PMF1: variants seen among roughly 807,000 people sequenced by gnomAD.
The protein encoded by PMF1 is polyamine modulated factor 1.
PMF1 carries 21 observed loss-of-function variants against 26.7 expected under a neutral mutation model. The observed-to-expected ratio is 0.79, with a 90% confidence interval of 0.56 to 1.13. The LOEUF (loss-of-function observed/expected upper bound fraction) is 1.13, where lower values mean the gene tolerates loss of function less well. Among genes scored for constraint, PMF1 ranks in the 50% most tolerant of loss-of-function variants. The pLI is 0.00. For synonymous variants in PMF1, 105 were observed against 101.0 expected, an observed-to-expected ratio of 1.04 and a Z score of -0.24; for missense variants, 266 against 254.9, an observed-to-expected ratio of 1.04 and a Z score of -0.30.
At position 156,213,057 on chromosome 1, in the gene PMF1, G is replaced by A. The variant is rs143195115; in HGVS notation, c.42G>A (p.Glu14=). 209 of 1,614,172 alleles carry A rather than the reference G, an allele frequency of 1.3e-4. No individual in the cohort carries two copies. In the African/African-American group the frequency reaches 2.6e-3, roughly 20 times the overall value. The change falls in exon 1 of 5, where the codon GAG becomes GAA. Residue 14 remains glutamate (E), a synonymous_variant. Coordinates refer to ENST00000368277, the MANE Select transcript of PMF1 (RefSeq NM_007221.4). ...GCGCCAATCTAGGCAGCGGCTGTGA[G>A]GAAAAAAGGCATGAGGGGTCGTCTT... The part of the protein sequence containing the change: ...ASSANLGSGC[E]EKRHEGSSSE...
chr1:156,229,623 T>C (rs1039418483), intron 1 of PMF1, among the ~76,000 whole-genome samples: 1 of 151,304 alleles, frequency 6.6e-6, no homozygotes, highest in South Asian at 2.1e-4. Flanking sequence ...CAGGCTGGAG[T>C]GCAATGGCGT....
At chr1:156,214,516 T>G (rs528309293) in intron 1 of PMF1, among the ~76,000 whole-genome samples, 1 of 152,216 alleles carries the variant, frequency 6.6e-6, no homozygotes, top group Non-Finnish European at 1.5e-5. Flanking sequence ...AGGCCTCTTG[T>G]CTTTTTGGAG....
At chr1:156,237,842 C>T (rs138705633) in intron 4 of PMF1, among the ~76,000 whole-genome samples, 16 of 152,220 alleles carry the variant, frequency 1.1e-4, no homozygotes, top group East Asian at 3.9e-4. Flanking sequence ...CTGCAACCTC[C>T]GCTTCCTGGG....
At chr1:156,236,587 G>C in intron 4 of PMF1, 104 bp downstream of exon 4, 1 of 1,427,204 alleles carries the variant, frequency 7.0e-7, no homozygotes. Flanking sequence ...CCCCACAGGG[G>C]GTAGGAGAGC....
intron 3 of PMF1, among the ~76,000 whole-genome samples, chr1:156,234,609 A>G (rs749108246): frequency 4.0e-5 from 6 of 151,874 alleles, no homozygotes; most frequent in African/African-American, 1.5e-4. Context: ...CCTGAGTTCA[A>G]GCAATTCTCC....
intron 3 of PMF1, among the ~76,000 whole-genome samples, chr1:156,235,435 ATTTTTT>A (rs36002644): frequency 1.4e-5 from 1 of 69,084 alleles, no homozygotes; most frequent in African/African-American, 5.2e-5. Flanking sequence ...TTGAAAAATA[ATTTTTT>A]TTTTTTTTTT....
At chr1:156,236,601 C>T (rs1031086642) in intron 4 of PMF1, 118 bp downstream of exon 4, 70 of 1,336,408 alleles carry the variant, frequency 5.2e-5, no homozygotes, top group Non-Finnish European at 6.4e-5. Context: ...GGAGAGCTTG[C>T]CCCCTGGGGA....
chr1:156,238,801 G>A (rs376182446), intron 4 of PMF1, among the ~76,000 whole-genome samples: 21 of 152,036 alleles, frequency 1.4e-4, no homozygotes, highest in African/African-American at 3.9e-4. Flanking sequence ...GCTCCCTACT[G>A]TCCCCACTCC....
chr1:156,234,141 C>A (rs1003971978), intron 3 of PMF1, among the ~76,000 whole-genome samples: 2 of 152,168 alleles, frequency 1.3e-5, no homozygotes, highest in African/African-American at 4.8e-5. Flanking sequence ...GGCTTGTTGC[C>A]CCTGAGAGAG....
At position 156,239,606 on chromosome 1, in the gene PMF1, A is replaced by G; in HGVS notation, c.*5A>G. The G allele has an allele frequency of 6.2e-7, 1 of 1,611,056 alleles. No individual in the cohort carries two copies. ...GTGCTGAGGGAGCCTGAGTGAGGAG[A>G]CCGCCAGCCCCAGAAGCAGAGGGCA... On this transcript the variant is annotated 3_prime_UTR_variant, in exon 5 of 5. Transcript: ENST00000368277.
At chr1:156,217,554 C>T (rs904379143) in intron 1 of PMF1, among the ~76,000 whole-genome samples, 4 of 151,894 alleles carry the variant, frequency 2.6e-5, no homozygotes, top group African/African-American at 4.8e-5. Context: ...GGTGAAACCC[C>T]GTCTCTACTA....
intron 1 of PMF1, among the ~76,000 whole-genome samples, chr1:156,230,381 AC>A (rs1415669116): frequency 1.3e-5 from 2 of 152,182 alleles, no homozygotes; most frequent in Admixed American, 1.3e-4. Context: ...TTTCTTTTAA[AC>A]CACTCTCTAC....
At chr1:156,237,760 A>G (rs959354290) in intron 4 of PMF1, among the ~76,000 whole-genome samples, 2 of 140,394 alleles carry the variant, frequency 1.4e-5, no homozygotes, top group African/African-American at 5.4e-5. Context: ...GAAATGTTCT[A>G]TTTCAACTTT....
intron 1 of PMF1, among the ~76,000 whole-genome samples, chr1:156,221,840 C>A (rs1202409685): frequency 6.6e-6 from 1 of 152,204 alleles, no homozygotes; most frequent in Non-Finnish European, 1.5e-5. Flanking sequence ...ATTGGCCTGT[C>A]CATCCCTTTC....
chr1:156,229,700 A>T (rs145770626), intron 1 of PMF1, among the ~76,000 whole-genome samples: 2,229 of 151,730 alleles, frequency 0.015, 65 homozygotes, highest in African/African-American at 0.051. Flanking sequence ...CCTCCCGAGT[A>T]GCTGGGATTA....
intron 2 of PMF1, among the ~76,000 whole-genome samples, chr1:156,233,320 ATT>A (rs572347708): frequency 6.5e-5 from 9 of 138,404 alleles, no homozygotes; most frequent in Non-Finnish European, 7.8e-5. Flanking sequence ...CATCCAGCTA[ATT>A]TTTTTTTTTT....
chr1:156,221,340 G>A (rs1234518036), intron 1 of PMF1, among the ~76,000 whole-genome samples: 1 of 152,182 alleles, frequency 6.6e-6, no homozygotes, highest in Non-Finnish European at 1.5e-5. Flanking sequence ...TGTTTGCTCT[G>A]CCAAGAATGG....
At chr1:156,216,263 T>C (rs1244932503) in intron 1 of PMF1, among the ~76,000 whole-genome samples, 3 of 151,980 alleles carry the variant, frequency 2.0e-5, no homozygotes, top group Admixed American at 2.0e-4. Context: ...TAGTGGCGCA[T>C]GCCTGTAATC....
rs377730230 is a variant in PMF1, at chr1:156,213,052, T to C, written c.37T>C (p.Cys13Arg). The C allele has an allele frequency of 8.5e-5, 138 of 1,614,046 alleles. No individual in the cohort carries two copies. The highest frequency in any genetic ancestry group is 1.1e-4 in the Non-Finnish European group (129 of 1,180,016). ...AAGTAGCGCCAATCTAGGCAGCGGC[T>C]GTGAGGAAAAAAGGCATGAGGGGTC... ...EASSANLGSG[C>R]EEKRHEGSSS... The change falls in exon 1 of 5, where the codon TGT (cysteine) becomes CGT (arginine). Residue 13 changes from cysteine to arginine, a missense_variant. Transcript: ENST00000368277.
Sources: gnomAD v4.1 joint callset for allele counts (sites outside exome capture counted in the v4.1 genomes callset) on GRCh38, gnomAD v4.1.1 for gene constraint, MANE v1.5 for transcripts, NCBI Gene and HGNC (gene_info 2026-07-23, HGNC 2026-07-21) for gene names.